ATP13A3: variants seen among roughly 807,000 people sequenced by gnomAD.
The protein encoded by ATP13A3 is polyamine-transporting ATPase 13A3.
A neutral mutation model predicts 158.1 loss-of-function variants in ATP13A3; 59 were observed. The ratio of observed to expected loss-of-function variants is 0.37; its 90% CI spans 0.30 to 0.46. ATP13A3 has a LOEUF of 0.46. ATP13A3 is among the 20% of genes least tolerant of loss of function. The pLI, the probability that ATP13A3 is intolerant of heterozygous loss-of-function variation, is 1.00. For synonymous variants in ATP13A3, 491 were observed against 504.3 expected (o/e 0.97, Z 0.35); for missense variants, 1,166 against 1,525.2 (o/e 0.76, Z 3.92).
chr3:194,431,382 A>C (rs530113008), intron 22 of ATP13A3, among the ~76,000 whole-genome samples, 156 bp from the exon 23 acceptor site: 1 of 152,366 alleles, frequency 6.6e-6, no homozygotes, highest in South Asian at 2.1e-4. Flanking sequence ...AAAGAAACTC[A>C]ATTAAATATC....
chr3:194,437,432 G>A lies in ATP13A3; in HGVS notation c.1878C>T (p.Phe626=), dbSNP rs1013860317. 3.1e-6 allele frequency: 5 copies of A among 1,614,178 alleles called. No homozygotes were observed. The highest frequency in any genetic ancestry group is 4.2e-6 in the Non-Finnish European group (5 of 1,180,040). Residue 626 remains phenylalanine (F), a synonymous_variant, in exon 19 of 34, where the codon TTC becomes TTT. Coordinates refer to ENST00000645319, the MANE Select transcript of ATP13A3 (RefSeq NM_001367549.1). ...TACGTTGCAAAGCAGAAGAAAATGGGAACTGGCGAACAATTCCTATCTCAT... is the reference window on the plus strand; with the variant it reads ...TACGTTGCAAAGCAGAAGAAAATGGAAACTGGCGAACAATTCCTATCTCAT... ...ATYEIGIVRQ[F]PFSSALQRMS...
intron 6 of ATP13A3, 67 bp downstream of exon 6, chr3:194,459,404 A>G (rs1370418508): frequency 9.4e-7 from 1 of 1,060,264 alleles, no homozygotes; most frequent in African/African-American, 1.6e-5. Flanking sequence ...ACTAGAATGG[A>G]CTCTTTTCTA....
At chr3:194,437,609 A>G (rs1312813754) in intron 17 of ATP13A3, 36 bp from the exon 18 acceptor site, 2 of 1,552,304 alleles carry the variant, frequency 1.3e-6, no homozygotes, top group Non-Finnish European at 1.8e-6. Flanking sequence ...AATAGTACAG[A>G]TTAACTCTAT....
intron 15 of ATP13A3, among the ~76,000 whole-genome samples, chr3:194,443,803 C>T (rs562942021): frequency 6.6e-6 from 1 of 151,910 alleles, no homozygotes; most frequent in South Asian, 2.1e-4. Context: ...AAGAGATGAG[C>T]CAGAGACTAA....
intron 31 of ATP13A3, among the ~76,000 whole-genome samples, chr3:194,416,544 CTATACACTAGAAATA>C (rs1300005956): frequency 6.6e-6 from 1 of 152,062 alleles, no homozygotes; most frequent in Non-Finnish European, 1.5e-5. Flanking sequence ...CTGATAAAGA[CTATACACTAGAAATA>C]TACAGCAAAC....
At chr3:194,412,786 T>C (rs1715537899) in intron 32 of ATP13A3, 1 of 153,910 alleles carries the variant, frequency 6.5e-6, no homozygotes, top group Non-Finnish European at 1.4e-5. Context: ...CTAGCACCCA[T>C]AAAATAGAAA....
rs762239826 is a variant in ATP13A3 at position 194,437,409 on chromosome 3, C to T, written c.1901G>A (p.Arg634His). The change falls in exon 19 of 34, where the codon CGT (arginine) becomes CAT (histidine). Residue 634 changes from arginine (R) to histidine (H), a missense_variant. Transcript: ENST00000645319. Reference sequence around the variant, plus strand: ...CAGCACCCTGGCAACCACACTCATACGTTGCAAAGCAGAAGAAAATGGGAA... The same window carrying T: ...CAGCACCCTGGCAACCACACTCATATGTTGCAAAGCAGAAGAAAATGGGAA... ...RQFPFSSALQ[R>H]MSVVARVLGD... 1.9e-6 allele frequency: 3 copies of T among 1,614,160 alleles called. No individual in the cohort carries two copies. Among genetic ancestry groups the T allele is most frequent in the Non-Finnish European group, 1.7e-6 (2 of 1,180,030 alleles).
intron 29 of ATP13A3, 116 bp downstream of exon 29, chr3:194,426,959 A>G: frequency 9.2e-7 from 1 of 1,081,324 alleles, no homozygotes; most frequent in Non-Finnish European, 1.3e-6. Context: ...TACTAGGACT[A>G]CAGGTGTGAG....
At chr3:194,417,844 C>T (rs186592747) in intron 31 of ATP13A3, among the ~76,000 whole-genome samples, 11 of 151,618 alleles carry the variant, frequency 7.3e-5, no homozygotes, top group Middle Eastern at 3.4e-3. Flanking sequence ...AACTGTGGTC[C>T]CAGCTACTCA....
rs1714737165 is a variant in ATP13A3, at chr3:194,403,342, T to C, written c.*2577A>G. 1 of 152,264 alleles carries C rather than the reference T, an allele frequency of 6.6e-6. No homozygotes were observed. The highest frequency in any genetic ancestry group is 2.4e-5 in the African/African-American group (1 of 41,464). The allele number at this position is 152,264 out of a possible 1,614,324, so 9.4% of individuals were successfully genotyped here. On this transcript the variant is annotated 3_prime_UTR_variant, in exon 34 of 34. Transcript: ENST00000645319. ...TCTGTTGTTGGCTTAGCCACTTGTA[T>C]TCAAGCATTATTTGCAGCATTGCTT...
rs1715491470 is a variant in ATP13A3 at position 194,412,220 on chromosome 3, G to A, written c.3552C>T (p.Phe1184=). The change falls in exon 33 of 34, where the codon TTC becomes TTT. Residue 1184 remains phenylalanine (F), a synonymous_variant. Coordinates refer to ENST00000645319, the MANE Select transcript of ATP13A3 (RefSeq NM_001367549.1). ...CAACCTGCGGTGGCTGTGTGGTGCT[G>A]AACCGATACTCTCCTTGTTTGTCTC... ...FNRDKQGEYR[F]STTQPPQESV... 1.3e-6 allele frequency: 2 copies of A among 1,536,202 alleles called. No homozygotes were observed. Among genetic ancestry groups the A allele is most frequent in the East Asian group, 2.4e-5 (1 of 40,916 alleles).
At chr3:194,478,027 A>C (rs755403861) in intron 2 of ATP13A3, among the ~76,000 whole-genome samples, 6 of 152,232 alleles carry the variant, frequency 3.9e-5, no homozygotes, top group Non-Finnish European at 8.8e-5. Context: ...GTTCCCTGAA[A>C]TCTAACCCCA....
Position 194,446,992 on chromosome 3 carries a change from T to C in ATP13A3, c.1432A>G (p.Ile478Val). The C allele has an allele frequency of 6.2e-7, 1 of 1,613,620 alleles. No homozygotes were observed. Among genetic ancestry groups the C allele is most frequent in the East Asian group, 2.2e-5 (1 of 44,848 alleles). ...YAQRRLKKIGIFCISPQRINI... is the reference protein window; with the variant it reads ...YAQRRLKKIGVFCISPQRINI... ...ATTCTTTGAGGACTGATACAGAAAATACCGATTTTTTTCAGTCTTCTCTGA... is the reference window on the plus strand; with the variant it reads ...ATTCTTTGAGGACTGATACAGAAAACACCGATTTTTTTCAGTCTTCTCTGA... The change falls in exon 14 of 34, where the codon ATT (isoleucine) becomes GTT (valine). Residue 478 changes from isoleucine to valine, a missense_variant. By Grantham distance (29) the Ile-to-Val change is conservative. Around this residue, in one of 3 missense-constraint regions of ATP13A3, gnomAD observed 997 missense variants for 1,341.2 expected, o/e 0.74. Transcript: ENST00000645319.
intron 31 of ATP13A3, among the ~76,000 whole-genome samples, chr3:194,414,459 TA>T (rs35965987): frequency 2.6e-3 from 350 of 134,152 alleles, no homozygotes; most frequent in East Asian, 4.3e-3. Context: ...GAACCTGCCT[TA>T]AAAAAAAAAA....
At chr3:194,475,528 C>G (rs560857933) in intron 2 of ATP13A3, among the ~76,000 whole-genome samples, 2 of 152,302 alleles carry the variant, frequency 1.3e-5, no homozygotes, top group Admixed American at 1.3e-4. Flanking sequence ...AACCTACCCA[C>G]GCTAACCCAG....
intron 31 of ATP13A3, among the ~76,000 whole-genome samples, chr3:194,417,370 C>T (rs1294978343): frequency 1.4e-5 from 2 of 146,892 alleles, no homozygotes; most frequent in African/African-American, 5.0e-5. Context: ...GGCTGCACTC[C>T]AGCCTGGGTA....
At chr3:194,483,595 A>AT (rs1720846398) in intron 2 of ATP13A3, among the ~76,000 whole-genome samples, 1 of 151,738 alleles carries the variant, frequency 6.6e-6, no homozygotes, top group African/African-American at 2.4e-5. Flanking sequence ...ATCTCAAAAA[A>AT]ACTCAACATG....
At chr3:194,421,552 CAAAA>C (rs34760027) in intron 30 of ATP13A3, among the ~76,000 whole-genome samples, 3 of 71,878 alleles carry the variant, frequency 4.2e-5, no homozygotes, top group Admixed American at 1.6e-4. Flanking sequence ...GACTCCATCT[CAAAA>C]AAAAAAAAAA....
chr3:194,413,662 T>C, intron 32 of ATP13A3, 97 bp downstream of exon 32: 2 of 1,096,488 alleles, frequency 1.8e-6, no homozygotes, highest in African/African-American at 3.1e-5. Flanking sequence ...ACTCTGTGGC[T>C]TTCCATTATA....
Sources: allele counts gnomAD v4.1 joint callset (sites outside exome capture counted in the v4.1 genomes callset), GRCh38; gene constraint gnomAD v4.1.1; regional missense constraint gnomAD v4.1.1; transcripts MANE v1.5; gene names NCBI Gene and HGNC (gene_info 2026-07-23, HGNC 2026-07-21).